The following TTLL7 variants were observed in gnomAD, a reference collection of about 807,000 sequenced individuals.
TTLL7 encodes tubulin tyrosine ligase like 7.
Under a neutral mutation model 120.2 loss-of-function variants are expected in TTLL7, and 53 were observed. That is an observed-to-expected ratio of 0.44 (90% confidence interval 0.35 to 0.55). The LOEUF (loss-of-function observed/expected upper bound fraction) is 0.55, where lower values mean the gene tolerates loss of function less well. Among genes scored for constraint, TTLL7 ranks in the 20% least tolerant of loss-of-function variants. TTLL7 has a pLI of 0.00. For synonymous variants in TTLL7, 353 were observed against 351.7 expected (o/e 1.00, Z -0.04); for missense variants, 803 against 1,054.7 (o/e 0.76, Z 3.31).
chr1:83,941,416 T>C (rs1239961475), intron 7 of TTLL7, among the ~76,000 whole-genome samples: 1 of 152,240 alleles, frequency 6.6e-6, no homozygotes, highest in Non-Finnish European at 1.5e-5. Context: ...CTAGACCATA[T>C]AACCTTTAAT....
chr1:83,903,214 A>G (rs1357566073), intron 18 of TTLL7, among the ~76,000 whole-genome samples: 1 of 151,856 alleles, frequency 6.6e-6, no homozygotes, highest in Non-Finnish European at 1.5e-5. Context: ...ATCACTCACC[A>G]TTTTCCAGCT....
intron 15 of TTLL7, among the ~76,000 whole-genome samples, chr1:83,909,269 CTTTT>C (rs71582911): frequency 1.0e-5 from 1 of 99,286 alleles, no homozygotes; most frequent in African/African-American, 3.8e-5. Flanking sequence ...TTTTTTTTTC[CTTTT>C]TTTTTTTTTT....
chr1:83,889,236 C>A (rs2100723183), intron 19 of TTLL7, among the ~76,000 whole-genome samples: 1 of 152,032 alleles, frequency 6.6e-6, no homozygotes, highest in East Asian at 1.9e-4. Flanking sequence ...TCAACAGATC[C>A]CATAAGAATT....
Position 83,919,695 on chromosome 1 carries a change from T to C in TTLL7, c.1500+4A>G. 2 of 1,608,544 alleles carry C rather than the reference T, an allele frequency of 1.2e-6. No individual in the cohort carries two copies. Among genetic ancestry groups the C allele is most frequent in the Non-Finnish European group, 1.7e-6 (2 of 1,177,842 alleles). ...TTTCTCTATATAAACATTCATTCTC[T>C]TACCTTCATCCTTTTCAAAGGATTA... On this transcript the variant is annotated splice_donor_region_variant and intron_variant, in intron 13 of 20. Coordinates refer to ENST00000260505, the MANE Select transcript of TTLL7 (RefSeq NM_024686.6).
chr1:83,886,978 T>C (rs963354004), intron 19 of TTLL7, among the ~76,000 whole-genome samples: 1 of 152,042 alleles, frequency 6.6e-6, no homozygotes, highest in Non-Finnish European at 1.5e-5. Flanking sequence ...GTGGGCATCA[T>C]AACATTCCCA....
chr1:83,988,823 C>T (rs1390776962), intron 1 of TTLL7, among the ~76,000 whole-genome samples: 1 of 152,084 alleles, frequency 6.6e-6, no homozygotes, highest in Non-Finnish European at 1.5e-5. Flanking sequence ...ATTCTCCTGC[C>T]TCAGCCTCCC....
chr1:83,919,201 T>C (rs918988818), intron 13 of TTLL7, among the ~76,000 whole-genome samples: 7 of 151,684 alleles, frequency 4.6e-5, no homozygotes, highest in African/African-American at 1.7e-4. Context: ...ATAAATGAAG[T>C]GGTTTGTTAT....
chr1:83,968,760 T>C (rs1048837341), intron 1 of TTLL7, among the ~76,000 whole-genome samples: 2 of 152,180 alleles, frequency 1.3e-5, no homozygotes, highest in Middle Eastern at 3.4e-3. Flanking sequence ...ATCTGTATTA[T>C]TGTCAAATAG....
Position 83,923,413 on chromosome 1 carries a change from A to G in TTLL7, c.1143-2019T>C, listed in dbSNP as rs368887168. Among the ~76,000 whole-genome samples the G allele has an allele frequency of 4.2e-4, 64 of 152,128 alleles. 1 individual carries two copies. The South Asian group carries it at 0.012, about 30-fold the overall frequency. ...AAAGGGAATGAAAAACTAAGAGGAG[A>G]TGAAAATAAAGAAAGATGAGATGAT... On this transcript the variant is annotated intron_variant, in intron 10 of 20. Transcript: ENST00000260505.
At chr1:83,893,861 G>A (rs1030182907) in intron 18 of TTLL7, among the ~76,000 whole-genome samples, 1 of 151,874 alleles carries the variant, frequency 6.6e-6, no homozygotes, top group African/African-American at 2.4e-5. Flanking sequence ...AAGGGGCAGG[G>A]GATGAGGAGG....
chr1:83,899,827 T>A (rs751826404), intron 18 of TTLL7, among the ~76,000 whole-genome samples: 26 of 151,892 alleles, frequency 1.7e-4, no homozygotes, highest in Non-Finnish European at 3.4e-4. Context: ...TTCCACTCCC[T>A]CCACATAACG....
At chr1:83,942,392 C>G in intron 7 of TTLL7, 71 bp downstream of exon 7, 1 of 1,271,624 alleles carries the variant, frequency 7.9e-7, no homozygotes, top group Non-Finnish European at 1.1e-6. Context: ...AATCTATATG[C>G]CTAATGGATG....
chr1:83,983,921 C>T (rs1159066879), intron 1 of TTLL7: 1 of 152,172 alleles, frequency 6.6e-6, no homozygotes, highest in African/African-American at 2.4e-5. Context: ...GAGACTTCAT[C>T]TCTACAAACT....
intron 10 of TTLL7, among the ~76,000 whole-genome samples, chr1:83,923,669 G>A (rs1658871000): frequency 6.6e-6 from 1 of 152,028 alleles, no homozygotes; most frequent in African/African-American, 2.4e-5. Context: ...TGGCCCTTAG[G>A]AATATTGTCA....
chr1:83,994,908 T>C (rs1409148733), intron 1 of TTLL7, among the ~76,000 whole-genome samples: 2 of 152,112 alleles, frequency 1.3e-5, no homozygotes, highest in East Asian at 1.9e-4. Context: ...TTGAAGGAGA[T>C]AGATATGTGT....
At chr1:83,979,404 G>C (rs1272222153) in intron 1 of TTLL7, 1 of 152,150 alleles carries the variant, frequency 6.6e-6, no homozygotes, top group African/African-American at 2.4e-5. Context: ...GCAGAAGTCT[G>C]AAAAACATCT....
intron 6 of TTLL7, among the ~76,000 whole-genome samples, chr1:83,944,507 G>A (rs1648284363): frequency 7.2e-6 from 1 of 139,332 alleles, no homozygotes; most frequent in African/African-American, 2.7e-5. Flanking sequence ...AGGAGTTCGA[G>A]ATCAGCCTGG....
intron 18 of TTLL7, among the ~76,000 whole-genome samples, chr1:83,892,405 C>CGAATATATATGTAT: frequency 2.7e-5 from 1 of 36,808 alleles, no homozygotes; most frequent in Non-Finnish European, 5.1e-5. Context: ...TATATATGAA[C>CGAATATATATGTAT]ATATATATGA....
chr1:83,971,211 C>T (rs1375710643), intron 1 of TTLL7, among the ~76,000 whole-genome samples: 2 of 152,022 alleles, frequency 1.3e-5, no homozygotes, highest in Non-Finnish European at 2.9e-5. Flanking sequence ...ATTATTTGTG[C>T]CCAAGACTTC....
Sources: allele counts gnomAD v4.1 joint callset (sites outside exome capture counted in the v4.1 genomes callset), GRCh38; gene constraint gnomAD v4.1.1; transcripts MANE v1.5; gene names NCBI Gene and HGNC (gene_info 2026-07-23, HGNC 2026-07-21).